The following FHIT variants were observed in gnomAD, a reference collection of about 807,000 sequenced individuals.
FHIT encodes bis(5'-adenosyl)-triphosphatase.
FHIT carries 19 observed loss-of-function variants against 17.9 expected under a neutral mutation model. That is an observed-to-expected ratio of 1.06 (90% CI 0.74 to 1.56). The LOEUF is 1.56. Ranked by LOEUF, FHIT falls within the 40% of genes most tolerant of loss-of-function variation. The pLI is 0.00. For missense variants in FHIT, 248 were observed against 189.2 expected (o/e 1.31, Z -1.82); for synonymous variants, 81 against 69.7 (o/e 1.16, Z -0.81).
At chr3:61,091,924 A>G (rs1350480567) in intron 2 of FHIT, among the ~76,000 whole-genome samples, 3 of 139,084 alleles carry the variant, frequency 2.2e-5, no homozygotes, top group East Asian at 2.2e-4. Flanking sequence ...TGGGCAACAG[A>G]GAGACCTTGT....
intron 5 of FHIT, among the ~76,000 whole-genome samples, chr3:60,510,052 T>G (rs2034888908): frequency 6.6e-6 from 1 of 152,222 alleles, no homozygotes; most frequent in Non-Finnish European, 1.5e-5. Flanking sequence ...ACTCTTATTT[T>G]GCCATCTTTA....
chr3:60,006,408 C>T (rs752234040), intron 7 of FHIT, among the ~76,000 whole-genome samples: 4 of 152,010 alleles, frequency 2.6e-5, no homozygotes, highest in African/African-American at 4.8e-5. Context: ...AGTTACAACC[C>T]CTTAAAGCCT....
At chr3:61,230,514 T>C (rs1288800588) in intron 1 of FHIT, among the ~76,000 whole-genome samples, 1 of 152,088 alleles carries the variant, frequency 6.6e-6, no homozygotes, top group Non-Finnish European at 1.5e-5. Context: ...AAATCTCTAT[T>C]TTTTTAATAA....
intron 5 of FHIT, among the ~76,000 whole-genome samples, chr3:60,434,975 A>G (rs2030078728): frequency 6.6e-6 from 1 of 152,160 alleles, no homozygotes; most frequent in Non-Finnish European, 1.5e-5. Context: ...GGCATGTATC[A>G]AAGATCTTCT....
At chr3:60,348,259 G>C (rs1162007406) in intron 5 of FHIT, among the ~76,000 whole-genome samples, 1 of 152,140 alleles carries the variant, frequency 6.6e-6, no homozygotes, top group African/African-American at 2.4e-5. Context: ...AGAGTTTTTA[G>C]ATTAGGTTGT....
intron 3 of FHIT, among the ~76,000 whole-genome samples, chr3:60,990,792 A>G (rs1401290572): frequency 6.6e-6 from 1 of 152,208 alleles, no homozygotes; most frequent in Non-Finnish European, 1.5e-5. Context: ...TGGACCTCCC[A>G]CAGCATGTAA....
intron 5 of FHIT, among the ~76,000 whole-genome samples, chr3:60,077,085 C>T (rs895633189): frequency 6.6e-6 from 1 of 151,620 alleles, no homozygotes; most frequent in Non-Finnish European, 1.5e-5. Flanking sequence ...TCATAGCAAA[C>T]AAAGCAATCA....
At chr3:60,644,830 C>T (rs2039816115) in intron 4 of FHIT, among the ~76,000 whole-genome samples, 1 of 152,194 alleles carries the variant, frequency 6.6e-6, no homozygotes, top group South Asian at 2.1e-4. Flanking sequence ...CTCCAGATCA[C>T]CCTGTGGCCC....
intron 5 of FHIT, among the ~76,000 whole-genome samples, chr3:60,107,858 C>T (rs1328292965): frequency 2.6e-5 from 4 of 152,182 alleles, no homozygotes; most frequent in African/African-American, 4.8e-5. Flanking sequence ...TTTATCAATA[C>T]AACCTTTTAT....
At position 61,178,783 on chromosome 3, in the gene FHIT, T is replaced by C. The variant is rs183369751; in HGVS notation, c.-164+21834A>G. Among the ~76,000 whole-genome samples, 24 of 151,970 alleles carry C rather than the reference T, an allele frequency of 1.6e-4. No individual in the cohort carries two copies. The East Asian group carries it at 4.5e-3, about 28-fold the overall frequency. Reference sequence around the variant, plus strand: ...TTTTATCTATTAGGATATAAATGAGTTATCTGGTATAAATCACTGTCAAAT... The same window carrying C: ...TTTTATCTATTAGGATATAAATGAGCTATCTGGTATAAATCACTGTCAAAT... On this transcript the variant is annotated intron_variant, in intron 2 of 9. Transcript: ENST00000492590.
At chr3:60,723,843 T>G (rs1675956708) in intron 4 of FHIT, among the ~76,000 whole-genome samples, 1 of 152,236 alleles carries the variant, frequency 6.6e-6, no homozygotes, top group Non-Finnish European at 1.5e-5. Context: ...CCTCTATTTC[T>G]AGATACAGCA....
intron 2 of FHIT, among the ~76,000 whole-genome samples, chr3:61,105,098 C>G (rs2035951377): frequency 2.0e-5 from 3 of 152,066 alleles, no homozygotes; most frequent in Non-Finnish European, 1.5e-5. Context: ...GGTTCAGAAC[C>G]CTTACTGGAG....
intron 5 of FHIT, among the ~76,000 whole-genome samples, chr3:60,192,810 T>A (rs1270953295): frequency 2.0e-5 from 3 of 152,182 alleles, no homozygotes; most frequent in Non-Finnish European, 4.4e-5. Context: ...GTGACTCATG[T>A]TTGGTTTTGA....
intron 4 of FHIT, among the ~76,000 whole-genome samples, chr3:60,604,506 G>A (rs181732014): frequency 2.0e-5 from 3 of 152,286 alleles, no homozygotes; most frequent in Middle Eastern, 3.4e-3. Context: ...CAAAAGGAAA[G>A]GTTTTAAGTA....
intron 7 of FHIT, among the ~76,000 whole-genome samples, chr3:59,926,357 G>C (rs553820962): frequency 1.5e-3 from 226 of 152,300 alleles, no homozygotes; most frequent in African/African-American, 5.1e-3. Context: ...CTAGGAGCCA[G>C]GGATACGGTA....
intron 2 of FHIT, among the ~76,000 whole-genome samples, chr3:61,105,901 G>A (rs914159946): frequency 1.3e-5 from 2 of 152,206 alleles, no homozygotes; most frequent in Admixed American, 1.3e-4. Context: ...AATGGTAAAA[G>A]GCAGCCAAAC....
At chr3:60,321,088 T>C (rs1479570686) in intron 5 of FHIT, among the ~76,000 whole-genome samples, 1 of 152,192 alleles carries the variant, frequency 6.6e-6, no homozygotes, top group Non-Finnish European at 1.5e-5. Context: ...CTCTCCTTTG[T>C]GGAGGCTCAG....
At chr3:61,118,283 T>G (rs2036359290) in intron 2 of FHIT, among the ~76,000 whole-genome samples, 1 of 152,154 alleles carries the variant, frequency 6.6e-6, no homozygotes, top group Admixed American at 6.6e-5. Flanking sequence ...TACTGTTCAT[T>G]TTCCCCTGGT....
intron 5 of FHIT, among the ~76,000 whole-genome samples, chr3:60,469,387 C>T (rs1275207656): frequency 6.6e-6 from 1 of 152,142 alleles, no homozygotes; most frequent in Non-Finnish European, 1.5e-5. Flanking sequence ...TTTCAAACAG[C>T]TTGTCTTCAA....
Sources: gnomAD v4.1 joint callset for allele counts (sites outside exome capture counted in the v4.1 genomes callset) on GRCh38, gnomAD v4.1.1 for gene constraint, MANE v1.5 for transcripts, NCBI Gene and HGNC (gene_info 2026-07-23, HGNC 2026-07-21) for gene names.